FKRP: variants seen among roughly 807,000 people sequenced by gnomAD.
FKRP encodes the protein ribitol 5-phosphate transferase FKRP.
In FKRP, 25 loss-of-function variants were observed where a neutral mutation model predicts 30.6. The observed-to-expected ratio is 0.82, with a 90% confidence interval of 0.60 to 1.14. The LOEUF is 1.14. FKRP is among the 50% of genes most tolerant of loss of function. The pLI, the probability that FKRP is intolerant of heterozygous loss-of-function variation, is 0.00. For missense variants in FKRP, 771 were observed against 727.8 expected (o/e 1.06, Z -0.68); for synonymous variants, 358 against 342.5 (o/e 1.05, Z -0.50).
At chr19:46,745,558 C>G (rs2054568788), upstream of FKRP, among the ~76,000 whole-genome samples, 1 of 152,118 alleles carries the variant, frequency 6.6e-6, no homozygotes, top group Non-Finnish European at 1.5e-5. Flanking sequence ...CTCCCTAAAT[C>G]CTCCCGGTTC....
intron 3 of FKRP, among the ~76,000 whole-genome samples, chr19:46,749,969 C>T (rs973598721): frequency 6.6e-6 from 1 of 152,096 alleles, no homozygotes. Context: ...CCCCCAGCCT[C>T]ATCCTCCCAA....
chr19:46,756,490 T>A lies in FKRP; in HGVS notation c.1040T>A (p.Leu347Gln). The A allele has an allele frequency of 6.5e-7, 1 of 1,543,208 alleles. No homozygotes were observed. Among genetic ancestry groups the A allele is most frequent in the Non-Finnish European group, 8.7e-7 (1 of 1,146,702 alleles). ...CGCTACTGGCTCGAGGGCGGCTCAC[T>A]GCTGGGGGCCGCCCGCCACGGGGAC... is the stretch of plus-strand genomic sequence containing the variant. ...GVRYWLEGGSLLGAARHGDII... is the reference protein window; with the variant it reads ...GVRYWLEGGSQLGAARHGDII... The change falls in exon 4 of 4, where the codon CTG (leucine) becomes CAG (glutamine). Residue 347 changes from leucine to glutamine, a missense_variant. Transcript: ENST00000318584. This position sits in a 1 kb window ranked among gnomAD's most constrained non-coding sequence, Gnocchi z 6.6.
intron 1 of FKRP, 23 bp downstream of exon 1, chr19:46,746,113 C>G: frequency 6.9e-7 from 1 of 1,450,902 alleles, no homozygotes; most frequent in Non-Finnish European, 9.1e-7. Flanking sequence ...CGGGCCGGGC[C>G]GGGTTGGGGG....
At chr19:46,745,274 CA>C (rs898350601), upstream of FKRP, among the ~76,000 whole-genome samples, 98 of 152,228 alleles carry the variant, frequency 6.4e-4, no homozygotes, top group African/African-American at 2.1e-3. Context: ...TGCACACCCC[CA>C]AAGTGGAACT....
Position 46,748,747 on chromosome 19 carries a change from TTTTG to T in FKRP, c.-40+98_-40+101del, listed in dbSNP as rs751801418. On this transcript the variant is annotated intron_variant, in intron 3 of 3. Transcript: ENST00000318584. ...GTTGCATGGCTTTTGTCCGTCTTTT[TTTTG>T]TTTGTTTGTTTGTTTTGAGACAGGG... 3.7e-4 allele frequency: 56 copies of T among 152,692 alleles called. 1 individual carries two copies. In the South Asian group the frequency reaches 8.5e-3, roughly 23 times the overall value. 9.5% of individuals were successfully genotyped at this position (152,692 alleles called of 1,614,324 possible).
rs1356212665 is a variant in FKRP, at chr19:46,756,377, C to T, written c.927C>T (p.Tyr309=). ...TVVGDTPAYL[Y]EERWTPPCCL... ...TGGGCGACACGCCCGCCTACCTCTACGAGGAGCGCTGGACGCCCCCCTGCT... is the reference window on the plus strand; with the variant it reads ...TGGGCGACACGCCCGCCTACCTCTATGAGGAGCGCTGGACGCCCCCCTGCT... The change falls in exon 4 of 4, where the codon TAC becomes TAT. Residue 309 remains tyrosine (Y), a synonymous_variant. Transcript: ENST00000318584. This position sits in a 1 kb window ranked among gnomAD's most constrained non-coding sequence, Gnocchi z 6.6. The T allele has an allele frequency of 2.6e-6, 4 of 1,563,816 alleles. No homozygotes were observed. The highest frequency in any genetic ancestry group is 4.7e-5 in the East Asian group (2 of 42,314).
intron 3 of FKRP, among the ~76,000 whole-genome samples, chr19:46,753,087 AC>A: frequency 6.7e-6 from 1 of 148,946 alleles, no homozygotes; most frequent in Non-Finnish European, 1.5e-5. Flanking sequence ...AATCGCTTGA[AC>A]CCTGGAGGCG....
chr19:46,752,283 G>A (rs2054809839), intron 3 of FKRP, among the ~76,000 whole-genome samples: 1 of 152,190 alleles, frequency 6.6e-6, no homozygotes, highest in South Asian at 2.1e-4. Flanking sequence ...CTCTTGCTGT[G>A]ACCTTCAAGG....
rs34544320 is a variant in FKRP at position 46,749,408 on chromosome 19, C to CTTTTTTTTTT, written c.-40+755_-40+764dup. The stretch of plus-strand genomic sequence containing the variant: ...CTTTAACTCTCTGTGCCTTTGTTTC[C>CTTTTTTTTTT]TTTTTTTTTTTTTTTTTTTTTGAGA... On this transcript the variant is annotated intron_variant, in intron 3 of 3. Coordinates refer to ENST00000318584, the MANE Select transcript of FKRP (RefSeq NM_024301.5). Among the ~76,000 whole-genome samples the CTTTTTTTTTT allele has an allele frequency of 4.4e-5, 5 of 114,838 alleles. 1 individual carries two copies. The highest frequency in any genetic ancestry group is 6.9e-5 in the Non-Finnish European group (4 of 57,652). The allele number at this position is 114,838 out of a possible 152,430, so 75.3% of individuals were successfully genotyped here. A position where few individuals can be genotyped will look rare whatever the true frequency, so the allele number is the denominator to read the frequency against.
In FKRP at chr19:46,755,654, C is replaced by T. The variant is rs1432499600; in HGVS notation, c.204C>T (p.Asp68=). The T allele has an allele frequency of 6.3e-7, 1 of 1,597,476 alleles. No homozygotes were observed. Among genetic ancestry groups the T allele is most frequent in the Admixed American group, 1.7e-5 (1 of 59,620 alleles). ...ACAACGCGGTGCCCGAGCTGGTAGA[C>T]TCCTTCCTGCAGCAAGACCCAGCCC... ...AFDNAVPELV[D]SFLQQDPAQP... The change falls in exon 4 of 4, where the codon GAC becomes GAT. Residue 68 remains aspartate (D), a synonymous_variant. Transcript: ENST00000318584.
At position 46,756,921 on chromosome 19, in the gene FKRP, C is replaced by G; in HGVS notation, c.1471C>G (p.Leu491Val). ...PQYPNPALLS[L>V]TGSG ...GTACCCCAACCCGGCACTGCTGAGT[C>G]TGACGGGAAGCGGCTGAAGCCCTGA... The change falls in exon 4 of 4, where the codon CTG becomes GTG. Residue 491 changes from leucine to valine, a missense_variant. By Grantham distance (32) the Leu-to-Val change is conservative (BLOSUM62 1). Transcript: ENST00000318584. This position sits in a 1 kb window ranked among gnomAD's most constrained non-coding sequence, Gnocchi z 6.6. The G allele has an allele frequency of 6.2e-7, 1 of 1,613,054 alleles. No homozygotes were observed. The highest frequency in any genetic ancestry group is 8.5e-7 in the Non-Finnish European group (1 of 1,179,968).
chr19:46,753,620 G>C (rs566820383), intron 3 of FKRP, among the ~76,000 whole-genome samples: 47 of 151,964 alleles, frequency 3.1e-4, no homozygotes, highest in Non-Finnish European at 6.0e-4. Context: ...TGGGCACTGG[G>C]AGCCATGGCA....
At position 46,755,466 on chromosome 19, in the gene FKRP, T is replaced by C. The variant is rs2122606907; in HGVS notation, c.16T>C (p.Cys6Arg). 6.2e-7 allele frequency: 1 copy of C among 1,607,814 alleles called. No homozygotes were observed. Among genetic ancestry groups the C allele is most frequent in the Non-Finnish European group, 8.5e-7 (1 of 1,179,314 alleles). Residue 6 changes from cysteine (C) to arginine (R), a missense_variant, in exon 4 of 4, where the codon TGC (cysteine) becomes CGC (arginine). By Grantham distance (180) the Cys-to-Arg change is radical. Coordinates refer to ENST00000318584, the MANE Select transcript of FKRP (RefSeq NM_024301.5). The stretch of plus-strand genomic sequence containing the variant: ...CTTCGGCCCCATGCGGCTCACCCGC[T>C]GCCAGGCTGCCCTGGCGGCCGCCAT... MRLTRCQAALAAAITL... is the reference protein window; with the variant it reads MRLTRRQAALAAAITL...
chr19:46,749,878 C>T (rs1045784009), intron 3 of FKRP, among the ~76,000 whole-genome samples: 5 of 152,018 alleles, frequency 3.3e-5, no homozygotes, highest in Non-Finnish European at 7.4e-5. Flanking sequence ...CCACCATGCC[C>T]GGCTAATTTT....
In FKRP at chr19:46,748,022, C is replaced by G. The variant is rs1363037158; in HGVS notation, c.-252-5C>G. The G allele has an allele frequency of 1.3e-5, 2 of 152,228 alleles. No homozygotes were observed. The highest frequency in any genetic ancestry group is 2.9e-5 in the Non-Finnish European group (2 of 68,056). 9.4% of individuals were successfully genotyped at this position (152,228 alleles called of 1,614,324 possible). On this transcript the variant is annotated splice_region_variant and splice_polypyrimidine_tract_variant and intron_variant, in intron 1 of 3. Coordinates refer to ENST00000318584, the MANE Select transcript of FKRP (RefSeq NM_024301.5). ...TTTGGGATTTTCTGGTTCTCCTCCT[C>G]TCAGGAGCGCAGCTCAGCTGGGCTG...
At chr19:46,754,460 C>G (rs899949163) in intron 3 of FKRP, 5 of 144,804 alleles carry the variant, frequency 3.5e-5, no homozygotes, top group Admixed American at 1.4e-4. Context: ...GGTGCCATCT[C>G]GGCTCACTGT....
Position 46,751,714 on chromosome 19 carries a change from C to T in FKRP, c.-40+3049C>T, listed in dbSNP as rs909303057. ...CCGAGTAGCTGGGACTACAGGCGCC[C>T]GCCACCGCGCCTGGCTAATTTTTTG... is the stretch of plus-strand genomic sequence containing the variant. On this transcript the variant is annotated intron_variant, in intron 3 of 3. Coordinates refer to ENST00000318584, the MANE Select transcript of FKRP (RefSeq NM_024301.5). Among the ~76,000 whole-genome samples the T allele has an allele frequency of 2.6e-4, 40 of 152,056 alleles. No homozygotes were observed. The South Asian group carries it at 3.3e-3, about 13-fold the overall frequency.
chr19:46,746,490 A>AC, intron 1 of FKRP: 1 of 849,026 alleles, frequency 1.2e-6, no homozygotes, highest in Non-Finnish European at 1.4e-6. Context: ...CGGCCGCGCC[A>AC]ACACCCCCCC....
intron 1 of FKRP, chr19:46,746,439 C>T: frequency 3.0e-6 from 3 of 1,008,466 alleles, no homozygotes; most frequent in South Asian, 4.6e-5. Context: ...ATGGAGGCCC[C>T]GGGGCCGGCC....
Sources: allele counts gnomAD v4.1 joint callset (sites outside exome capture counted in the v4.1 genomes callset), GRCh38; gene constraint gnomAD v4.1.1; non-coding constraint Gnocchi (gnomAD v3.1); transcripts MANE v1.5; gene names NCBI Gene and HGNC (gene_info 2026-07-23, HGNC 2026-07-21).